SPDL1: variants seen among roughly 807,000 people sequenced by gnomAD.
SPDL1 encodes the protein spindle apparatus coiled-coil protein 1.
SPDL1 carries 85 observed loss-of-function variants against 79.5 expected under a neutral mutation model. The observed-to-expected ratio is 1.07, with a 90% CI of 0.90 to 1.28. The LOEUF (loss-of-function observed/expected upper bound fraction) is 1.28, where lower values mean the gene tolerates loss of function less well. SPDL1 is among the 50% of genes most tolerant of loss of function. SPDL1 has a pLI of 0.00. For missense variants in SPDL1, 703 were observed against 697.8 expected (o/e 1.01, Z -0.08); for synonymous variants, 269 against 240.3 (o/e 1.12, Z -1.10).
At position 169,599,039 on chromosome 5, in the gene SPDL1, C is replaced by T. The variant is rs149270029; in HGVS notation, c.1204C>T (p.Arg402Trp). 304 of 1,593,250 alleles carry T rather than the reference C, an allele frequency of 1.9e-4. 2 individuals are homozygous for T. In the African/African-American group the frequency reaches 3.5e-3, roughly 19 times the overall value. The change falls in exon 10 of 12, where the codon CGG becomes TGG. Residue 402 changes from arginine to tryptophan, a missense_variant. Coordinates refer to ENST00000265295, the MANE Select transcript of SPDL1 (RefSeq NM_017785.5). ...AATGAAAGCATTATTTGAGAGCCAG[C>T]GGGCTCTAGATATTGAGCGAAAACT... ...QRMKALFESQ[R>W]ALDIERKLFA...
chr5:169,600,172 CA>C (rs1172930369), intron 10 of SPDL1, among the ~76,000 whole-genome samples: 2 of 152,210 alleles, frequency 1.3e-5, no homozygotes, highest in Non-Finnish European at 2.9e-5. Flanking sequence ...TTTGTCCCCG[CA>C]CTCTGCACAT....
chr5:169,601,363 A>G lies in SPDL1; in HGVS notation c.1408A>G (p.Asn470Asp). The G allele has an allele frequency of 1.2e-6, 2 of 1,613,926 alleles. No individual in the cohort carries two copies. Among genetic ancestry groups the G allele is most frequent in the Non-Finnish European group, 1.7e-6 (2 of 1,179,968 alleles). The change falls in exon 11 of 12, where the codon AAC becomes GAC. Residue 470 changes from asparagine (N) to aspartate (D), a missense_variant. Transcript: ENST00000265295. ...ITTAKDACVN[N>D]SALGGEVYRL... ...CACCGCTAAAGATGCATGTGTCAAC[A>G]ACAGTGCTCTCGGGGGAGAAGTTTA...
In SPDL1 at chr5:169,599,047, A is replaced by G; in HGVS notation, c.1212A>G (p.Leu404=). The change falls in exon 10 of 12, where the codon CTA becomes CTG. Residue 404 remains leucine, a synonymous_variant. Transcript: ENST00000265295. ...CATTATTTGAGAGCCAGCGGGCTCT[A>G]GATATTGAGCGAAAACTTTTTGCAA... The part of the protein sequence containing the change: ...MKALFESQRA[L]DIERKLFANE... The G allele has an allele frequency of 6.2e-7, 1 of 1,602,112 alleles. No individual in the cohort carries two copies. The highest frequency in any genetic ancestry group is 8.5e-7 in the Non-Finnish European group (1 of 1,171,140).
intron 3 of SPDL1, 108 bp downstream of exon 3, chr5:169,591,332 A>G (rs569187763): frequency 2.7e-6 from 3 of 1,096,734 alleles, no homozygotes; most frequent in African/African-American, 3.2e-5. Context: ...AAAATAGCCA[A>G]GATCTAAGTC....
rs1581277105 is a variant in SPDL1, at chr5:169,584,909, C to T, written c.-24+1020C>T. 2.0e-5 allele frequency among the ~76,000 whole-genome samples: 3 copies of T among 151,964 alleles called. No individual in the cohort carries two copies. The East Asian group carries it at 5.8e-4, about 29-fold the overall frequency. On this transcript the variant is annotated intron_variant, in intron 1 of 11. Transcript: ENST00000265295. ...CCTGTAATCCCAGCTACTCGGGAGG[C>T]TGAGGCAGGAGAATGGCGTGAACCC... is the stretch of plus-strand genomic sequence containing the variant.
At chr5:169,589,827 G>C (rs1380503934) in intron 2 of SPDL1, among the ~76,000 whole-genome samples, 3 of 151,660 alleles carry the variant, frequency 2.0e-5, no homozygotes, top group African/African-American at 7.3e-5. Context: ...TCAGCCTTCC[G>C]AGTAGCTCGG....
chr5:169,602,304 C>T (rs1226784635), intron 11 of SPDL1, among the ~76,000 whole-genome samples: 1 of 152,146 alleles, frequency 6.6e-6, no homozygotes, highest in African/African-American at 2.4e-5. Flanking sequence ...AGGTAAGTAG[C>T]AGTGGCTGAG....
At chr5:169,592,316 C>G (rs1400867373) in intron 3 of SPDL1, among the ~76,000 whole-genome samples, 6 of 140,818 alleles carry the variant, frequency 4.3e-5, no homozygotes, top group Admixed American at 2.3e-4. Context: ...CTCCCGGGTT[C>G]AAACGATTCT....
Position 169,594,189 on chromosome 5 carries a change from A to G in SPDL1, c.576A>G (p.Glu192=). ...EEVNELQYRQ[E]QLELLITNLM... is the part of the protein sequence containing the mutation. ...TGAATGAACTACAATACAGACAAGA[A>G]CAGCTAGAACTTCTTATTACTAACC... Residue 192 remains glutamate, a synonymous_variant, in exon 5 of 12, where the codon GAA becomes GAG. Transcript: ENST00000265295. 1 of 1,613,508 alleles carries G rather than the reference A, an allele frequency of 6.2e-7. No individual in the cohort carries two copies. The highest frequency in any genetic ancestry group is 8.5e-7 in the Non-Finnish European group (1 of 1,179,694).
At chr5:169,603,971 C>G (rs189797277) in intron 11 of SPDL1, 89 bp from the exon 12 acceptor site, 2 of 1,404,630 alleles carry the variant, frequency 1.4e-6, no homozygotes, top group East Asian at 4.8e-5. Context: ...AATACCATGC[C>G]TTATTGGAGG....
intron 10 of SPDL1, among the ~76,000 whole-genome samples, 170 bp downstream of exon 10, chr5:169,599,329 G>A (rs1755763539): frequency 6.6e-6 from 1 of 152,164 alleles, no homozygotes; most frequent in Non-Finnish European, 1.5e-5. Context: ...AAAATTCAGG[G>A]AGAACTGGAT....
intron 4 of SPDL1, 77 bp from the exon 5 acceptor site, chr5:169,594,068 A>T (rs1368580230): frequency 8.0e-7 from 1 of 1,253,890 alleles, no homozygotes; most frequent in African/African-American, 1.5e-5. Context: ...TGTGAACCAC[A>T]ACTGAGATAA....
intron 1 of SPDL1, 168 bp downstream of exon 1, chr5:169,584,057 A>G (rs1216624378): frequency 6.6e-6 from 1 of 152,190 alleles, no homozygotes; most frequent in Non-Finnish European, 1.5e-5. Flanking sequence ...AGCCGGTCTT[A>G]TCTTCCGCTG....
intron 7 of SPDL1, chr5:169,595,645 C>CT (rs1755547428): frequency 6.6e-6 from 1 of 152,276 alleles, no homozygotes; most frequent in African/African-American, 2.4e-5. Flanking sequence ...TCCTGAGACT[C>CT]TCCCCTGTCT....
intron 9 of SPDL1, 29 bp downstream of exon 9, chr5:169,598,608 A>G: frequency 6.6e-7 from 1 of 1,526,260 alleles, no homozygotes; most frequent in Admixed American, 1.7e-5. Flanking sequence ...GGATGGAAAG[A>G]TGAACATGTC....
rs758518335 is a variant in SPDL1 at position 169,599,019 on chromosome 5, A to G, written c.1184A>G (p.Lys395Arg). The G allele has an allele frequency of 1.9e-6, 3 of 1,579,750 alleles. No individual in the cohort carries two copies. The highest frequency in any genetic ancestry group is 2.6e-6 in the Non-Finnish European group (3 of 1,158,906). The change falls in exon 10 of 12, where the codon AAA becomes AGA. Residue 395 changes from lysine (K) to arginine (R), a missense_variant. Coordinates refer to ENST00000265295, the MANE Select transcript of SPDL1 (RefSeq NM_017785.5). ...TKGELSIQRM[K>R]ALFESQRALD... The stretch of plus-strand genomic sequence containing the variant: ...GGTGAATTGTCCATACAGCGAATGA[A>G]AGCATTATTTGAGAGCCAGCGGGCT...
At chr5:169,595,722 C>G (rs1289150700) in intron 7 of SPDL1, 3 of 152,106 alleles carry the variant, frequency 2.0e-5, no homozygotes, top group Non-Finnish European at 4.4e-5. Flanking sequence ...GTTGGGGTTA[C>G]TTTTAATCTA....
intron 10 of SPDL1, 116 bp from the exon 11 acceptor site, chr5:169,601,163 TG>T: frequency 1.3e-6 from 1 of 784,766 alleles, no homozygotes; most frequent in Non-Finnish European, 2.0e-6. Context: ...AGTGAGGAGA[TG>T]GTTGCATTTT....
chr5:169,588,692 C>T (rs954991495), intron 2 of SPDL1, 117 bp downstream of exon 2: 8 of 818,594 alleles, frequency 9.8e-6, no homozygotes, highest in Non-Finnish European at 1.3e-5. Context: ...GATCTAGTTC[C>T]CGCCCTGCCC....
Sources: allele counts gnomAD v4.1 joint callset (sites outside exome capture counted in the v4.1 genomes callset), GRCh38; gene constraint gnomAD v4.1.1; transcripts MANE v1.5; gene names NCBI Gene and HGNC (gene_info 2026-07-23, HGNC 2026-07-21).